MSRA: variants seen among roughly 807,000 people sequenced by gnomAD.
MSRA encodes the protein methionine sulfoxide reductase A.
A neutral mutation model predicts 31.3 loss-of-function variants in MSRA; 54 were observed. The observed-to-expected ratio is 1.73, with a 90% confidence interval of 1.39 to 2.17. The LOEUF (loss-of-function observed/expected upper bound fraction) is 2.17, where lower values mean the gene tolerates loss of function less well. Ranked by LOEUF, MSRA falls within the 30% of genes most tolerant of loss-of-function variation. The pLI, the probability that MSRA is intolerant of heterozygous loss-of-function variation, is 0.00. For synonymous variants in MSRA, 169 were observed against 116.5 expected (o/e 1.45, Z -2.90); for missense variants, 507 against 300.9 (o/e 1.69, Z -5.07).
intron 1 of MSRA, among the ~76,000 whole-genome samples, chr8:10,100,158 A>G (rs902842450): frequency 6.6e-6 from 1 of 152,164 alleles, no homozygotes; most frequent in African/African-American, 2.4e-5. Flanking sequence ...AGGCGTTGAG[A>G]GGGCATAAGG....
At chr8:10,269,533 C>G (rs1472907764) in intron 3 of MSRA, among the ~76,000 whole-genome samples, 1 of 152,252 alleles carries the variant, frequency 6.6e-6, no homozygotes, top group Non-Finnish European at 1.5e-5. Flanking sequence ...GTGTTACCTA[C>G]AGAGAGCCGG....
At chr8:10,057,192 A>G (rs1038988946) in intron 1 of MSRA, among the ~76,000 whole-genome samples, 1 of 152,136 alleles carries the variant, frequency 6.6e-6, no homozygotes, top group Non-Finnish European at 1.5e-5. Context: ...CCTGCCCTGG[A>G]CTGCCTCATT....
At chr8:10,323,656 G>C (rs1467903573) in intron 5 of MSRA, among the ~76,000 whole-genome samples, 1 of 152,078 alleles carries the variant, frequency 6.6e-6, no homozygotes, top group East Asian at 1.9e-4. Flanking sequence ...CATTATTTTT[G>C]TAGTTTTTGT....
intron 3 of MSRA, among the ~76,000 whole-genome samples, chr8:10,280,392 C>T (rs1585350899): frequency 6.6e-6 from 1 of 151,552 alleles, no homozygotes; most frequent in South Asian, 2.1e-4. Flanking sequence ...ATTTCTATTG[C>T]TGTATCCCAA....
At position 10,095,318 on chromosome 8, in the gene MSRA, C is replaced by T. The variant is rs568320233; in HGVS notation, c.142+40660C>T. 1.3e-4 allele frequency among the ~76,000 whole-genome samples: 20 copies of T among 152,012 alleles called. No homozygotes were observed. In the South Asian group the frequency reaches 2.1e-3, roughly 16 times the overall value. On this transcript the variant is annotated intron_variant, in intron 1 of 5. Coordinates refer to ENST00000317173, the MANE Select transcript of MSRA (RefSeq NM_012331.5). Reference sequence around the variant, plus strand: ...GGCTTCTAGTACTCCATTATTGCTCCGGGAACATGTTAGTAATAATTATGA... The same window carrying T: ...GGCTTCTAGTACTCCATTATTGCTCTGGGAACATGTTAGTAATAATTATGA...
intron 5 of MSRA, among the ~76,000 whole-genome samples, chr8:10,388,331 C>A (rs1304281535): frequency 6.6e-6 from 1 of 152,102 alleles, no homozygotes; most frequent in Non-Finnish European, 1.5e-5. Flanking sequence ...TTAAGGTCAC[C>A]CCCGTCTTCC....
At chr8:10,119,284 G>C (rs530652942) in intron 1 of MSRA, among the ~76,000 whole-genome samples, 191 of 152,326 alleles carry the variant, frequency 1.3e-3, no homozygotes, top group South Asian at 6.4e-3. Context: ...AAATATGAAT[G>C]GGTCTTTGTC....
At chr8:10,114,685 C>A (rs866848155) in intron 1 of MSRA, among the ~76,000 whole-genome samples, 1 of 151,962 alleles carries the variant, frequency 6.6e-6, no homozygotes, top group Non-Finnish European at 1.5e-5. Context: ...ATTGAAGTGA[C>A]GGGTCAGGGA....
chr8:10,299,919 T>A (rs1800751475), intron 3 of MSRA, among the ~76,000 whole-genome samples: 1 of 152,208 alleles, frequency 6.6e-6, no homozygotes, highest in African/African-American at 2.4e-5. Flanking sequence ...CATGGAAAAA[T>A]ATTTACATTT....
intron 1 of MSRA, among the ~76,000 whole-genome samples, chr8:10,206,020 T>C (rs1316100873): frequency 1.3e-5 from 2 of 152,268 alleles, no homozygotes; most frequent in African/African-American, 4.8e-5. Context: ...CTTTCATAGA[T>C]ATTATGTGTA....
chr8:10,297,938 G>A (rs1800631590), intron 3 of MSRA, among the ~76,000 whole-genome samples: 2 of 152,192 alleles, frequency 1.3e-5, no homozygotes, highest in South Asian at 2.1e-4. Context: ...TCTTATCTGG[G>A]CTACAGCCTG....
At chr8:10,248,564 T>A (rs1374320604) in intron 3 of MSRA, among the ~76,000 whole-genome samples, 3 of 152,132 alleles carry the variant, frequency 2.0e-5, no homozygotes, top group African/African-American at 7.2e-5. Flanking sequence ...AGGGGAGAAG[T>A]GAGCGAGAGA....
chr8:10,074,058 C>T (rs1324476135), intron 1 of MSRA, among the ~76,000 whole-genome samples: 1 of 29,424 alleles, frequency 3.4e-5, no homozygotes, highest in African/African-American at 1.2e-4. Flanking sequence ...AAGGGAGGTG[C>T]TTTTTTTTTT....
intron 1 of MSRA, among the ~76,000 whole-genome samples, chr8:10,154,365 T>A (rs927113179): frequency 2.0e-5 from 3 of 151,438 alleles, no homozygotes; most frequent in African/African-American, 7.3e-5. Context: ...CATTTGTGGT[T>A]TTTTTTTTCT....
chr8:10,126,171 C>T (rs1259621658), intron 1 of MSRA, among the ~76,000 whole-genome samples: 1 of 152,182 alleles, frequency 6.6e-6, no homozygotes, highest in Non-Finnish European at 1.5e-5. Context: ...TGAATACTGC[C>T]TGGTGAGATG....
intron 3 of MSRA, among the ~76,000 whole-genome samples, chr8:10,281,701 T>C (rs948776450): frequency 6.6e-6 from 1 of 152,072 alleles, no homozygotes. Flanking sequence ...TTCTATGGAG[T>C]GGCTCCTCTG....
rs185895804 is a variant in MSRA at position 10,102,656 on chromosome 8, T to G, written c.142+47998T>G. ...TTTTCCTGGTTCTTGGTATGATAAATGATTTTGATTATATCCAGGCATGTT... is the reference window on the plus strand; with the variant it reads ...TTTTCCTGGTTCTTGGTATGATAAAGGATTTTGATTATATCCAGGCATGTT... On this transcript the variant is annotated intron_variant, in intron 1 of 5. Coordinates refer to ENST00000317173, the MANE Select transcript of MSRA (RefSeq NM_012331.5). Among the ~76,000 whole-genome samples, 729 of 152,344 alleles carry G rather than the reference T, an allele frequency of 4.8e-3. 1 individual carries two copies. Among genetic ancestry groups the G allele is most frequent in the Non-Finnish European group, 7.5e-3 (513 of 68,034 alleles).
intron 5 of MSRA, 48 bp from the exon 6 acceptor site, chr8:10,428,100 C>A: frequency 6.3e-7 from 1 of 1,578,322 alleles, no homozygotes; most frequent in South Asian, 1.2e-5. Flanking sequence ...CTCGCAGGTG[C>A]TGTCTCTCTA....
chr8:10,054,530 C>T lies in MSRA; in HGVS notation c.14C>T (p.Thr5Ile), dbSNP rs375110295. 4 of 1,582,512 alleles carry T rather than the reference C, an allele frequency of 2.5e-6. No individual in the cohort carries two copies. In the African/African-American group the frequency reaches 5.6e-5, roughly 22 times the overall value. ...TGGCGCCCTCCCATGCTCTCGGCCACCCGGAGGGCTTGCCAGCTCCTCCTC... is the reference window on the plus strand; with the variant it reads ...TGGCGCCCTCCCATGCTCTCGGCCATCCGGAGGGCTTGCCAGCTCCTCCTC... MLSA[T>I]RRACQLLLLH... Residue 5 changes from threonine to isoleucine, a missense_variant, in exon 1 of 6, where the codon ACC becomes ATC. Coordinates refer to ENST00000317173, the MANE Select transcript of MSRA (RefSeq NM_012331.5).
Sources: gnomAD v4.1 joint callset for allele counts (sites outside exome capture counted in the v4.1 genomes callset) on GRCh38, gnomAD v4.1.1 for gene constraint, MANE v1.5 for transcripts, NCBI Gene and HGNC (gene_info 2026-07-23, HGNC 2026-07-21) for gene names.